PCDHA2: variants seen among roughly 807,000 people sequenced by gnomAD.
PCDHA2 encodes the protein protocadherin alpha 2.
A neutral mutation model predicts 66.0 loss-of-function variants in PCDHA2; 58 were observed. The ratio of observed to expected loss-of-function variants is 0.88; its 90% confidence interval spans 0.71 to 1.09. The LOEUF is 1.09. Ranked by LOEUF, PCDHA2 falls within the 50% of genes least tolerant of loss-of-function variation. The pLI is 0.00. For missense variants in PCDHA2, 1,267 were observed against 1,242.3 expected, an observed-to-expected ratio of 1.02 and a Z score of -0.30; for synonymous variants, 634 against 554.0, an observed-to-expected ratio of 1.14 and a Z score of -2.03.
chr5:140,808,950 G>A, intron 1 of PCDHA2: 4 of 1,613,764 alleles, frequency 2.5e-6, no homozygotes, highest in Non-Finnish European at 3.4e-6. Flanking sequence ...GTGGGTGTGG[G>A]CCACGTGGTG....
intron 1 of PCDHA2, chr5:140,969,336 GA>G: frequency 2.5e-6 from 4 of 1,613,996 alleles, no homozygotes; most frequent in Non-Finnish European, 3.4e-6. Context: ...AATGAGGTGA[GA>G]CAGTGGTCAG....
rs782212623 is a variant in PCDHA2 at position 140,927,250 on chromosome 5, A to G, written c.2389-51699A>G. On this transcript the variant is annotated intron_variant, in intron 1 of 3. Coordinates refer to ENST00000526136, the MANE Select transcript of PCDHA2 (RefSeq NM_018905.3). ...GATTCACGTCCTGGACACCAATGACAACTCACCTCTCTTTCCTGCCGGCGA... is the reference window on the plus strand; with the variant it reads ...GATTCACGTCCTGGACACCAATGACGACTCACCTCTCTTTCCTGCCGGCGA... 1.9e-6 allele frequency: 3 copies of G among 1,614,046 alleles called. 1 individual carries two copies. The highest frequency in any genetic ancestry group is 2.5e-6 in the Non-Finnish European group (3 of 1,180,004).
chr5:140,851,821 C>G, intron 1 of PCDHA2: 1 of 958,244 alleles, frequency 1.0e-6, no homozygotes, highest in Non-Finnish European at 1.3e-6. Context: ...AGACAGAAAT[C>G]TGTTTTTTTA....
chr5:140,907,167 T>C (rs1200819434), intron 1 of PCDHA2, among the ~76,000 whole-genome samples: 3 of 152,166 alleles, frequency 2.0e-5, no homozygotes, highest in Non-Finnish European at 4.4e-5. Context: ...ATATATTGGA[T>C]GCTGATTCAG....
chr5:140,869,509 A>G (rs199564677), intron 1 of PCDHA2: 13 of 1,614,206 alleles, frequency 8.1e-6, no homozygotes, highest in Middle Eastern at 1.6e-4. Context: ...GTTCTCGCTC[A>G]GAGAACAAAA....
At chr5:140,890,596 C>T (rs1236261988) in intron 1 of PCDHA2, among the ~76,000 whole-genome samples, 5 of 152,064 alleles carry the variant, frequency 3.3e-5, no homozygotes, top group African/African-American at 1.2e-4. Context: ...AGCCCTTTTC[C>T]GAATAGCTAG....
At chr5:140,886,871 T>C (rs1045804511) in intron 1 of PCDHA2, among the ~76,000 whole-genome samples, 1 of 151,744 alleles carries the variant, frequency 6.6e-6, no homozygotes, top group Non-Finnish European at 1.5e-5. Flanking sequence ...AACTCCTATA[T>C]TGAACATTCA....
chr5:140,988,673 A>G (rs2153876025), intron 3 of PCDHA2, among the ~76,000 whole-genome samples: 1 of 152,344 alleles, frequency 6.6e-6, no homozygotes, highest in South Asian at 2.1e-4. Context: ...AGACTCTAAG[A>G]TAATTCTTTC....
At chr5:140,905,202 T>C (rs1554191944) in intron 1 of PCDHA2, among the ~76,000 whole-genome samples, 1 of 152,196 alleles carries the variant, frequency 6.6e-6, no homozygotes, top group Non-Finnish European at 1.5e-5. Flanking sequence ...CCATCTTGAG[T>C]TGATTTTTGT....
intron 1 of PCDHA2, chr5:140,828,616 C>T (rs782081687): frequency 6.2e-7 from 1 of 1,614,024 alleles, no homozygotes; most frequent in Non-Finnish European, 8.5e-7. Context: ...TCAGTTCTAG[C>T]GAATACTTCG....
intron 1 of PCDHA2, among the ~76,000 whole-genome samples, chr5:140,908,126 C>T (rs573751399): frequency 1.6e-4 from 24 of 152,360 alleles, no homozygotes; most frequent in South Asian, 1.0e-3. Context: ...TTTCCCTTCA[C>T]TGCTGTCCTT....
chr5:140,848,775 G>A, intron 1 of PCDHA2: 1 of 1,593,566 alleles, frequency 6.3e-7, no homozygotes, highest in Non-Finnish European at 8.6e-7. Context: ...CGACCGCGAG[G>A]AGCTGTGCGG....
At position 140,927,496 on chromosome 5, in the gene PCDHA2, G is replaced by A. The variant is rs1206944698; in HGVS notation, c.2389-51453G>A. ...CGAACAGCGCGCCACCCACCTGCTG[G>A]TGCTTACAGCTCGGGACGGCGGGCT... On this transcript the variant is annotated intron_variant, in intron 1 of 3. Coordinates refer to ENST00000526136, the MANE Select transcript of PCDHA2 (RefSeq NM_018905.3). 10 of 1,614,026 alleles carry A rather than the reference G, an allele frequency of 6.2e-6. No individual in the cohort carries two copies. In the African/African-American group the frequency reaches 8.0e-5, roughly 13 times the overall value.
intron 1 of PCDHA2, among the ~76,000 whole-genome samples, chr5:140,894,053 T>C (rs782239740): frequency 2.4e-4 from 37 of 152,336 alleles, no homozygotes; most frequent in Non-Finnish European, 5.1e-4. Context: ...CTCTGTTGAA[T>C]TGATTTTTAA....
chr5:140,954,523 G>A (rs1368260807), intron 1 of PCDHA2, among the ~76,000 whole-genome samples: 4 of 152,186 alleles, frequency 2.6e-5, no homozygotes, highest in African/African-American at 9.6e-5. Flanking sequence ...AATGATCAGT[G>A]ATGTTGAGGT....
Position 140,843,085 on chromosome 5 carries a change from C to T in PCDHA2, c.2388+45733C>T, listed in dbSNP as rs2150352201. 8.1e-6 allele frequency: 13 copies of T among 1,595,414 alleles called. 1 individual carries two copies. In the African/African-American group the frequency reaches 1.1e-4, roughly 13 times the overall value. ...TGGTGCCGCGGTCTGTGGGCGCGGGCCACGTGGTAGCGAAGGTGCGCGCAG... is the reference window on the plus strand; with the variant it reads ...TGGTGCCGCGGTCTGTGGGCGCGGGTCACGTGGTAGCGAAGGTGCGCGCAG... On this transcript the variant is annotated intron_variant, in intron 1 of 3. Coordinates refer to ENST00000526136, the MANE Select transcript of PCDHA2 (RefSeq NM_018905.3).
chr5:140,833,414 G>A (rs1408450757), intron 1 of PCDHA2, among the ~76,000 whole-genome samples: 1 of 152,196 alleles, frequency 6.6e-6, no homozygotes, highest in Non-Finnish European at 1.5e-5. Flanking sequence ...AAGGGCTGCT[G>A]TATGTGAGAT....
intron 1 of PCDHA2, among the ~76,000 whole-genome samples, chr5:140,942,387 G>A (rs1398449068): frequency 1.3e-5 from 2 of 151,808 alleles, no homozygotes; most frequent in Admixed American, 1.3e-4. Context: ...ATTCCAGCCT[G>A]GGCGACAGAT....
intron 1 of PCDHA2, among the ~76,000 whole-genome samples, chr5:140,902,107 T>G (rs2069104126): frequency 6.6e-6 from 1 of 152,174 alleles, no homozygotes; most frequent in African/African-American, 2.4e-5. Flanking sequence ...CTTTAGATTT[T>G]TTTAAAACTG....
Sources: gnomAD v4.1 joint callset for allele counts (sites outside exome capture counted in the v4.1 genomes callset) on GRCh38, gnomAD v4.1.1 for gene constraint, MANE v1.5 for transcripts, NCBI Gene and HGNC (gene_info 2026-07-23, HGNC 2026-07-21) for gene names.